B4GALT7: variants seen among roughly 807,000 people sequenced by gnomAD.
B4GALT7 encodes the protein UDP-Gal:beta-GlcNAc beta-1,4-galactosyltransferase 7.
In B4GALT7, 30 loss-of-function variants were observed where a neutral mutation model predicts 33.0. The ratio of observed to expected loss-of-function variants is 0.91; its 90% CI spans 0.68 to 1.23. The LOEUF (loss-of-function observed/expected upper bound fraction) is 1.23. B4GALT7 is among the 50% of genes most tolerant of loss of function. The pLI is 0.00. For synonymous variants in B4GALT7, 213 were observed against 187.2 expected, an observed-to-expected ratio of 1.14 and a Z score of -1.13; for missense variants, 507 against 450.8, an observed-to-expected ratio of 1.12 and a Z score of -1.13.
Position 177,604,485 on chromosome 5 carries a change from G to A in B4GALT7, c.357G>A (p.Leu119=). Residue 119 remains leucine, a synonymous_variant, in exon 2 of 6, where the codon CTG becomes CTA. Coordinates refer to ENST00000029410, the MANE Select transcript of B4GALT7 (RefSeq NM_007255.3). Reference sequence around the variant, plus strand: ...TCGTGCCCCACATGCGCCGCTTCCTGAGCAGGAAGAAGATCCGGCACCACA... The same window carrying A: ...TCGTGCCCCACATGCGCCGCTTCCTAAGCAGGAAGAAGATCCGGCACCACA... ...LVFVPHMRRF[L]SRKKIRHHIY... is the part of the protein sequence containing the mutation. The A allele has an allele frequency of 6.2e-7, 1 of 1,613,992 alleles. No individual in the cohort carries two copies. Among genetic ancestry groups the A allele is most frequent in the Non-Finnish European group, 8.5e-7 (1 of 1,179,946 alleles).
Position 177,608,374 on chromosome 5 carries a change from G to A in B4GALT7, c.640-165G>A. 1 of 631,720 alleles carries A rather than the reference G, an allele frequency of 1.6e-6. No homozygotes were observed. The highest frequency in any genetic ancestry group is 2.8e-5 in the East Asian group (1 of 36,334). 39.1% of individuals were successfully genotyped at this position (631,720 alleles called of 1,614,324 possible). ...CCCGTGAGAACGGGAGAGGGCCCGG[G>A]ACGCGCTGCTTCCTGCCGCCCGCAC... is the stretch of plus-strand genomic sequence containing the variant. On this transcript the variant is annotated intron_variant, in intron 3 of 5. Coordinates refer to ENST00000029410, the MANE Select transcript of B4GALT7 (RefSeq NM_007255.3). This position sits in a 1 kb window ranked among gnomAD's most constrained non-coding sequence, Gnocchi z 4.1.
At position 177,600,826 on chromosome 5, in the gene B4GALT7, T is replaced by A. The variant is rs1051147917; in HGVS notation, c.50+566T>A. ...CCAGCAGAACCCACCAGACAGAAGCTCCGTGCTCTGCCTGGCTGGTCACTG... is the reference window on the plus strand; with the variant it reads ...CCAGCAGAACCCACCAGACAGAAGCACCGTGCTCTGCCTGGCTGGTCACTG... On this transcript the variant is annotated intron_variant, in intron 1 of 5. Coordinates refer to ENST00000029410, the MANE Select transcript of B4GALT7 (RefSeq NM_007255.3). This position sits in a 1 kb window ranked among gnomAD's most constrained non-coding sequence, Gnocchi z 4.4. Among the ~76,000 whole-genome samples, 5 of 152,152 alleles carry A rather than the reference T, an allele frequency of 3.3e-5. No individual in the cohort carries two copies. Among genetic ancestry groups the A allele is most frequent in the African/African-American group, 1.2e-4 (5 of 41,424 alleles).
At chr5:177,604,640 G>A (rs537358298) in intron 2 of B4GALT7, 99 bp downstream of exon 2, 6 of 1,513,260 alleles carry the variant, frequency 4.0e-6, no homozygotes, top group Non-Finnish European at 4.5e-6. Context: ...AGGAGGGCGG[G>A]AGGTGGCAGA....
Position 177,608,659 on chromosome 5 carries a change from G to A in B4GALT7, c.723+37G>A, listed in dbSNP as rs191117764. ...CGGGCCCCGCCGCCACCTCAGCTGC[G>A]GTGGCTGCCCTGAGATTTTCTTCTG... On this transcript the variant is annotated intron_variant, in intron 4 of 5. Coordinates refer to ENST00000029410, the MANE Select transcript of B4GALT7 (RefSeq NM_007255.3). This position sits in a 1 kb window ranked among gnomAD's most constrained non-coding sequence, Gnocchi z 4.1. The A allele has an allele frequency of 1.4e-4, 228 of 1,580,566 alleles. 1 individual carries two copies. In the East Asian group the frequency reaches 4.1e-3, roughly 29 times the overall value.
intron 3 of B4GALT7, chr5:177,607,965 C>T (rs1256053442): frequency 3.5e-6 from 1 of 286,662 alleles, no homozygotes. Flanking sequence ...AGGAGTCCCG[C>T]AGTGAGCTGC....
chr5:177,609,625 C>A lies in B4GALT7; in HGVS notation c.914C>A (p.Ala305Asp), dbSNP rs774322603. The A allele has an allele frequency of 3.1e-6, 5 of 1,614,026 alleles. No individual in the cohort carries two copies. The highest frequency in any genetic ancestry group is 1.1e-5 in the South Asian group (1 of 91,076). The change falls in exon 6 of 6, where the codon GCC becomes GAC. Residue 305 changes from alanine (A) to aspartate (D), a missense_variant. Transcript: ENST00000029410. The stretch of plus-strand genomic sequence containing the variant: ...CGCACTGCCCTGTCTGTGGGCGGGG[C>A]CCCCTGCACTGTCCTCAACATCATG... ...ASRTALSVGG[A>D]PCTVLNIMLD... is the part of the protein sequence containing the mutation.
In B4GALT7 at chr5:177,609,825, T is replaced by A; in HGVS notation, c.*130T>A. ...GGACCAAGACAGCAAGCTACGCAAT[T>A]GCAGCCACCCGGCCGCCAAGGCAGG... On this transcript the variant is annotated 3_prime_UTR_variant, in exon 6 of 6. Coordinates refer to ENST00000029410, the MANE Select transcript of B4GALT7 (RefSeq NM_007255.3). 3 of 1,295,394 alleles carry A rather than the reference T, an allele frequency of 2.3e-6. No individual in the cohort carries two copies. Among genetic ancestry groups the A allele is most frequent in the Non-Finnish European group, 3.2e-6 (3 of 933,210 alleles). The allele number at this position is 1,295,394 out of a possible 1,614,324, so 80.2% of individuals were successfully genotyped here.
At position 177,608,905 on chromosome 5, in the gene B4GALT7, C is replaced by T. The variant is rs1233476291; in HGVS notation, c.724-5C>T. 6.2e-7 allele frequency: 1 copy of T among 1,613,086 alleles called. No individual in the cohort carries two copies. ...CCTGACCCCGACTTCCTTGGACCTC[C>T]CTAGCTTTTCCGCCCCTCGGGAATC... On this transcript the variant is annotated splice_region_variant and splice_polypyrimidine_tract_variant and intron_variant, in intron 4 of 5. Coordinates refer to ENST00000029410, the MANE Select transcript of B4GALT7 (RefSeq NM_007255.3). The surrounding 1 kb of genome is among the most constrained non-coding windows in gnomAD (Gnocchi z 4.1).
Position 177,604,342 on chromosome 5 carries a change from C to T in B4GALT7, c.214C>T (p.Pro72Ser), listed in dbSNP as rs752728024. The T allele has an allele frequency of 4.3e-6, 7 of 1,611,078 alleles. No individual in the cohort carries two copies. In the Admixed American group the frequency reaches 8.4e-5, roughly 19 times the overall value. Residue 72 changes from proline to serine, a missense_variant, in exon 2 of 6, where the codon CCC becomes TCC. Transcript: ENST00000029410. ...ACAAGGGCAGGAGACCTCGGGCCCT[C>T]CCCGTGCCTGCCCCCCAGAGCCGCC... The part of the protein sequence containing the change: ...RGQGQETSGP[P>S]RACPPEPPPE...
chr5:177,607,325 A>T lies in B4GALT7; in HGVS notation c.437A>T (p.Asn146Ile). ...AGGTTCAACCGGGCAGCGCTCATCA[A>T]CGTGGGCTTCCTGGAGAGCAGCAAC... ...HFRFNRAALI[N>I]VGFLESSNST... Residue 146 changes from asparagine (N) to isoleucine (I), a missense_variant, in exon 3 of 6, where the codon AAC becomes ATC. By Grantham distance (149) the Asn-to-Ile change is moderately radical (BLOSUM62 -3). Transcript: ENST00000029410. 1 of 1,612,598 alleles carries T rather than the reference A, an allele frequency of 6.2e-7. No individual in the cohort carries two copies. Among genetic ancestry groups the T allele is most frequent in the Non-Finnish European group, 8.5e-7 (1 of 1,179,400 alleles).
Position 177,608,627 on chromosome 5 carries a change from G to C in B4GALT7, c.723+5G>C. The C allele has an allele frequency of 1.2e-6, 2 of 1,613,144 alleles. No individual in the cohort carries two copies. Among genetic ancestry groups the C allele is most frequent in the African/African-American group, 1.3e-5 (1 of 75,060 alleles). On this transcript the variant is annotated splice_donor_5th_base_variant and intron_variant, in intron 4 of 5. Coordinates refer to ENST00000029410, the MANE Select transcript of B4GALT7 (RefSeq NM_007255.3). This position sits in a 1 kb window ranked among gnomAD's most constrained non-coding sequence, Gnocchi z 4.1. ...ATTAAGGGAGCTGGGCTCCAGGTGA[G>C]ATTCCCCGGGCCCCGCCGCCACCTC...
rs1270183557 is a variant in B4GALT7, at chr5:177,607,294, C to T, written c.414-8C>T. ...CTGCCCCTGCCCAGCCTTGCCCACC[C>T]TGCACAGGTTCAACCGGGCAGCGCT... On this transcript the variant is annotated splice_region_variant and splice_polypyrimidine_tract_variant and intron_variant, in intron 2 of 5. Coordinates refer to ENST00000029410, the MANE Select transcript of B4GALT7 (RefSeq NM_007255.3). 6.3e-7 allele frequency: 1 copy of T among 1,599,332 alleles called. No individual in the cohort carries two copies. Among genetic ancestry groups the T allele is most frequent in the East Asian group, 2.3e-5 (1 of 44,014 alleles).
intron 1 of B4GALT7, among the ~76,000 whole-genome samples, chr5:177,602,072 T>C (rs548984264): frequency 1.1e-4 from 16 of 152,160 alleles, no homozygotes; most frequent in Non-Finnish European, 2.1e-4. Context: ...GTCTCTACCC[T>C]GTCCCCAGAA....
rs573282736 is a variant in B4GALT7, at chr5:177,607,718, C to T, written c.639+191C>T. On this transcript the variant is annotated intron_variant, in intron 3 of 5. Coordinates refer to ENST00000029410, the MANE Select transcript of B4GALT7 (RefSeq NM_007255.3). ...AGCCGCAGCAGCAGAACTGCTTGCA[C>T]GGGGGCTTCAGAAACCTGGGTGGTT... 1.7e-4 allele frequency: 104 copies of T among 628,784 alleles called. No individual in the cohort carries two copies. The South Asian group carries it at 1.8e-3, about 11-fold the overall frequency. 39.0% of individuals were successfully genotyped at this position (628,784 alleles called of 1,614,324 possible).
intron 2 of B4GALT7, 28 bp downstream of exon 2, chr5:177,604,569 C>T (rs1324357492): frequency 3.1e-6 from 5 of 1,613,066 alleles, no homozygotes; most frequent in Non-Finnish European, 3.4e-6. Flanking sequence ...CCTCTCCCCT[C>T]GGCACCCCTG....
chr5:177,608,438 TCA>T lies in B4GALT7; in HGVS notation c.640-100_640-99del, dbSNP rs537604736. ...GAGCCTGCAAGCACCCGGGGCTTAT[TCA>T]GAGGCGCTGGGGGAGAGGGGCACTC... On this transcript the variant is annotated intron_variant, in intron 3 of 5. Coordinates refer to ENST00000029410, the MANE Select transcript of B4GALT7 (RefSeq NM_007255.3). This position sits in a 1 kb window ranked among gnomAD's most constrained non-coding sequence, Gnocchi z 4.1. The T allele has an allele frequency of 2.4e-3, 2,605 of 1,090,506 alleles. 23 individuals are homozygous for T. The highest frequency in any genetic ancestry group is 0.011 in the Middle Eastern group (48 of 4,320). The allele number at this position is 1,090,506 out of a possible 1,614,324, so 67.6% of individuals were successfully genotyped here.
Position 177,610,099 on chromosome 5 carries a change from C to T in B4GALT7, c.*404C>T. The T allele has an allele frequency of 3.9e-6, 1 of 256,440 alleles. No individual in the cohort carries two copies. Among genetic ancestry groups the T allele is most frequent in the Non-Finnish European group, 7.8e-6 (1 of 127,918 alleles). The allele number at this position is 256,440 out of a possible 1,614,324, so 15.9% of individuals were successfully genotyped here. On this transcript the variant is annotated 3_prime_UTR_variant, in exon 6 of 6. Transcript: ENST00000029410. ...GAGACACAGTGTAGGGGCCATGCAG[C>T]TGGCGTAGGTGGCAGTTGGGCCTGG...
At chr5:177,603,268 G>A (rs1430578046) in intron 1 of B4GALT7, 1 of 985,206 alleles carries the variant, frequency 1.0e-6, no homozygotes, top group Non-Finnish European at 1.2e-6. Flanking sequence ...TTGGGGAGAA[G>A]GTAGGGGGAG....
chr5:177,604,478 G>GCTT lies in B4GALT7; in HGVS notation c.352_354dup (p.Phe118dup). 1 of 1,613,986 alleles carries GCTT rather than the reference G, an allele frequency of 6.2e-7. No individual in the cohort carries two copies. The highest frequency in any genetic ancestry group is 8.5e-7 in the Non-Finnish European group (1 of 1,179,944). The stretch of plus-strand genomic sequence containing the variant: ...CTGGTCTTCGTGCCCCACATGCGCC[G>GCTT]CTTCCTGAGCAGGAAGAAGATCCGG... On this transcript the variant is annotated inframe_insertion, in exon 2 of 6. Coordinates refer to ENST00000029410, the MANE Select transcript of B4GALT7 (RefSeq NM_007255.3).
Sources: allele counts gnomAD v4.1 joint callset (sites outside exome capture counted in the v4.1 genomes callset), GRCh38; gene constraint gnomAD v4.1.1; non-coding constraint Gnocchi (gnomAD v3.1); transcripts MANE v1.5; gene names NCBI Gene and HGNC (gene_info 2026-07-23, HGNC 2026-07-21).